Variants in SATL1 observed in about 807,000 individuals in gnomAD.
SATL1 encodes spermidine/spermine N1-acetyl transferase like 1, also known as spermidine/spermine N(1)-acetyltransferase-like protein 1.
In SATL1, 47 loss-of-function variants were observed where a neutral mutation model predicts 51.8. The observed-to-expected ratio is 0.91, with a 90% CI of 0.72 to 1.16. The LOEUF (loss-of-function observed/expected upper bound fraction) is 1.16. SATL1 is among the 50% of genes most tolerant of loss of function. SATL1 has a pLI of 0.00. For missense variants in SATL1, 520 were observed against 526.4 expected, an observed-to-expected ratio of 0.99 and a Z score of 0.12; for synonymous variants, 176 against 182.4, an observed-to-expected ratio of 0.97 and a Z score of 0.28.
chrX:85,181,441 C>G (rs751159141), intron 2 of SATL1, among the ~76,000 whole-genome samples: 3 of 109,878 alleles, frequency 2.7e-5, no homozygotes, highest in Non-Finnish European at 5.7e-5. Flanking sequence ...TTGAGAGGAA[C>G]TGGGGATTCA....
intron 2 of SATL1, among the ~76,000 whole-genome samples, chrX:85,130,419 C>T (rs750045575): frequency 2.7e-5 from 3 of 111,747 alleles, no homozygotes; most frequent in South Asian, 7.5e-4. Flanking sequence ...TCTAGATTTT[C>T]GAGTGTATTT....
At chrX:85,172,731 T>C (rs1348269357) in intron 2 of SATL1, among the ~76,000 whole-genome samples, 1 of 108,096 alleles carries the variant, frequency 9.3e-6, no homozygotes, top group Admixed American at 9.9e-5. Context: ...CTACTGTTAA[T>C]ATATTGCCTA....
chrX:85,207,097 T>A (rs908789337), intron 2 of SATL1: 5 of 111,646 alleles, frequency 4.5e-5, no homozygotes, highest in Admixed American at 9.5e-5. Flanking sequence ...AATATTTGTC[T>A]CAGAGAGTAG....
chrX:85,135,658 A>T (rs754821131), intron 2 of SATL1, among the ~76,000 whole-genome samples: 163 of 105,122 alleles, frequency 1.6e-3, no homozygotes, highest in Non-Finnish European at 2.7e-3. Flanking sequence ...TACTGCCTCG[A>T]CCTCCCAGAC....
chrX:85,110,615 G>T (rs1440787397), intron 2 of SATL1, among the ~76,000 whole-genome samples: 1 of 111,092 alleles, frequency 9.0e-6, no homozygotes, highest in Non-Finnish European at 1.9e-5. Flanking sequence ...GTAAACGGAG[G>T]AATGGGGATG....
intron 2 of SATL1, among the ~76,000 whole-genome samples, chrX:85,160,606 C>G (rs1234877744): frequency 9.1e-6 from 1 of 109,865 alleles, no homozygotes; most frequent in Non-Finnish European, 1.9e-5. Flanking sequence ...GACTGGCTTT[C>G]TAAGACAGTC....
intron 2 of SATL1, among the ~76,000 whole-genome samples, chrX:85,149,591 G>A (rs773552664): frequency 0.014 from 1,519 of 111,424 alleles, 24 homozygotes; most frequent in African/African-American, 0.047. Flanking sequence ...AAATGTAAAA[G>A]AACAGAAATT....
In SATL1 at chrX:85,178,535, C is replaced by T. The variant is rs112286985; in HGVS notation, c.-313+45670G>A. ...AGTAGCTGGAATTCTAGTAGTGCAA[C>T]ACAAGTGCCTGGCTTTTGTCAAAAG... is the stretch of plus-strand genomic sequence containing the variant. On this transcript the variant is annotated intron_variant, in intron 2 of 7. Transcript: ENST00000644105. Among the ~76,000 whole-genome samples, 1,059 of 106,512 alleles carry T rather than the reference C, an allele frequency of 9.9e-3. 15 individuals are homozygous for T. The highest frequency in any genetic ancestry group is 0.035 in the African/African-American group (1,006 of 29,141). 92.5% of individuals were successfully genotyped at this position (106,512 alleles called of 115,157 possible). A position where few individuals can be genotyped will look rare whatever the true frequency, so the allele number is the denominator to read the frequency against.
At chrX:85,150,320 T>G (rs1182655806) in intron 2 of SATL1, among the ~76,000 whole-genome samples, 1 of 110,959 alleles carries the variant, frequency 9.0e-6, no homozygotes, top group African/African-American at 3.3e-5. Context: ...GTGGCAATAA[T>G]CAATAGCTTA....
At chrX:85,178,732 A>G (rs1927138142) in intron 2 of SATL1, among the ~76,000 whole-genome samples, 1 of 110,938 alleles carries the variant, frequency 9.0e-6, no homozygotes, top group Non-Finnish European at 1.9e-5. Context: ...TTTACCTTTT[A>G]GGTTATGTTT....
Position 85,093,183 on chromosome X carries a change from A to G in SATL1, c.1917+2T>C. 8.6e-7 allele frequency: 1 copy of G among 1,162,337 alleles called. No homozygotes were observed. Among genetic ancestry groups the G allele is most frequent in the Non-Finnish European group, 1.2e-6 (1 of 868,540 alleles). On this transcript the variant is annotated splice_donor_variant, in intron 7 of 7. Transcript: ENST00000644105. LOFTEE classifies it high-confidence loss of function. ...AATATCAATACTAATTGTAATACAT[A>G]CCTGACTTAGCCTCTTCAGCATTTC...
chrX:85,178,484 A>G (rs1927128005), intron 2 of SATL1, among the ~76,000 whole-genome samples: 1 of 109,743 alleles, frequency 9.1e-6, no homozygotes, highest in African/African-American at 3.3e-5. Flanking sequence ...CTTGGGCCCA[A>G]CTGATCCTCC....
chrX:85,094,363 A>G, intron 5 of SATL1, 134 bp from the exon 6 acceptor site: 1 of 444,355 alleles, frequency 2.3e-6, no homozygotes, highest in African/African-American at 2.4e-5. Flanking sequence ...ATAACAATAC[A>G]AAAACATATA....
intron 2 of SATL1, among the ~76,000 whole-genome samples, chrX:85,167,175 G>C (rs1799908248): frequency 9.4e-6 from 1 of 106,857 alleles, no homozygotes; most frequent in Non-Finnish European, 1.9e-5. Context: ...GTTCTCACTT[G>C]TAAGCCGGAG....
chrX:85,228,725 C>T (rs1206007308), intron 1 of SATL1, among the ~76,000 whole-genome samples: 3 of 111,667 alleles, frequency 2.7e-5, no homozygotes, highest in Non-Finnish European at 5.7e-5. Flanking sequence ...ACATCATACT[C>T]TCCTAGTTTT....
chrX:85,234,069 CA>C (rs1293830676), intron 1 of SATL1, among the ~76,000 whole-genome samples: 17 of 110,848 alleles, frequency 1.5e-4, no homozygotes, highest in Non-Finnish European at 2.8e-4. Flanking sequence ...AATGAACATG[CA>C]AAAACACTCC....
chrX:85,242,158 C>G (rs1218451344), intron 1 of SATL1, among the ~76,000 whole-genome samples: 1 of 112,053 alleles, frequency 8.9e-6, no homozygotes, highest in Non-Finnish European at 1.9e-5. Flanking sequence ...AAAATTATCT[C>G]CCACAGTGTA....
intron 2 of SATL1, among the ~76,000 whole-genome samples, chrX:85,203,537 A>G (rs1172998652): frequency 9.3e-6 from 1 of 107,870 alleles, no homozygotes; most frequent in Non-Finnish European, 1.9e-5. Context: ...GAGAATTCAG[A>G]TCTCTGTCAG....
At chrX:85,194,721 C>G (rs1927514822) in intron 2 of SATL1, among the ~76,000 whole-genome samples, 1 of 110,366 alleles carries the variant, frequency 9.1e-6, no homozygotes, top group South Asian at 3.9e-4. Flanking sequence ...ATGTCCTTTG[C>G]AGGGACATGG....
Sources: allele counts gnomAD v4.1 joint callset (sites outside exome capture counted in the v4.1 genomes callset), GRCh38; gene constraint gnomAD v4.1.1; transcripts MANE v1.5; gene names NCBI Gene and HGNC (gene_info 2026-07-23, HGNC 2026-07-21).